SLC12A7: variants seen among roughly 807,000 people sequenced by gnomAD.
SLC12A7 encodes K-Cl cotransporter 4.
In SLC12A7, 100 loss-of-function variants were observed where a neutral mutation model predicts 120.6. That is an observed-to-expected ratio of 0.83 (90% confidence interval 0.71 to 0.98). The LOEUF (loss-of-function observed/expected upper bound fraction) is 0.98, where lower values mean the gene tolerates loss of function less well. Among genes scored for constraint, SLC12A7 ranks in the 50% least tolerant of loss-of-function variants. The pLI is 0.00. For missense variants in SLC12A7, 1,373 were observed against 1,548.1 expected (o/e 0.89, Z 1.90); for synonymous variants, 760 against 678.0 (o/e 1.12, Z -1.88).
chr5:1,057,047 C>T (rs1735695012), intron 22 of SLC12A7, among the ~76,000 whole-genome samples: 2 of 152,232 alleles, frequency 1.3e-5, no homozygotes, highest in Admixed American at 1.3e-4. Context: ...GGCCTGGCCG[C>T]AGGGCTGACT....
intron 1 of SLC12A7, among the ~76,000 whole-genome samples, chr5:1,106,490 A>G (rs1742541417): frequency 6.6e-6 from 1 of 150,708 alleles, no homozygotes; most frequent in Non-Finnish European, 1.5e-5. Flanking sequence ...TTCATATTCC[A>G]ACAGGGATGG....
chr5:1,124,474 A>G, the SLC12A7 span, among the ~76,000 whole-genome samples: 11 of 152,358 alleles, frequency 7.2e-5, no homozygotes, highest in Admixed American at 2.6e-4. Context: ...ACTGTCTTCA[A>G]AAATGAAGGC....
intron 1 of SLC12A7, among the ~76,000 whole-genome samples, chr5:1,099,682 T>A (rs560149968): frequency 6.6e-6 from 1 of 152,226 alleles, no homozygotes; most frequent in Non-Finnish European, 1.5e-5. Context: ...AGAAGCCCTG[T>A]AAAGGCCGGC....
At position 1,053,383 on chromosome 5, in the gene SLC12A7, T is replaced by C; in HGVS notation, c.3126A>G (p.Pro1042=). Residue 1042 remains proline, a synonymous_variant, in exon 23 of 24, where the codon CCA becomes CCG. Coordinates refer to ENST00000264930, the MANE Select transcript of SLC12A7 (RefSeq NM_006598.3). The part of the protein sequence containing the change: ...QDAQLVLLNM[P]GPPKNRQGDE... ...CTCCCTGCCGGTTTTTGGGAGGACC[T>C]GGCATGTTGAGCAGGACCAGCTGCG... The C allele has an allele frequency of 6.2e-7, 1 of 1,613,986 alleles. No individual in the cohort carries two copies. Among genetic ancestry groups the C allele is most frequent in the South Asian group, 1.1e-5 (1 of 91,084 alleles).
At chr5:1,153,422 C>A in the SLC12A7 span, among the ~76,000 whole-genome samples, 1 of 152,246 alleles carries the variant, frequency 6.6e-6, no homozygotes, top group African/African-American at 2.4e-5. Context: ...CCTGCCCCCA[C>A]ACGCTTTCCT....
At chr5:1,123,994 A>C in the SLC12A7 span, among the ~76,000 whole-genome samples, 67 of 152,368 alleles carry the variant, frequency 4.4e-4, no homozygotes, top group African/African-American at 1.5e-3. Flanking sequence ...GTGGAGAATG[A>C]CTTATCTGTG....
chr5:1,135,777 A>G, the SLC12A7 span, among the ~76,000 whole-genome samples: 2 of 152,322 alleles, frequency 1.3e-5, no homozygotes, highest in African/African-American at 4.8e-5. Flanking sequence ...TAAGGGCAGG[A>G]ACACACCAGG....
chr5:1,093,966 G>A (rs1267651627), intron 2 of SLC12A7, among the ~76,000 whole-genome samples, 188 bp downstream of exon 2: 1 of 152,062 alleles, frequency 6.6e-6, no homozygotes, highest in African/African-American at 2.4e-5. Flanking sequence ...ACCAGCCGAG[G>A]AGCACGTCCC....
At chr5:1,132,337 T>C in the SLC12A7 span, among the ~76,000 whole-genome samples, 13 of 152,002 alleles carry the variant, frequency 8.6e-5, no homozygotes, top group Admixed American at 8.5e-4. Context: ...TCATGAAAAA[T>C]CCACCCCTTG....
the SLC12A7 span, among the ~76,000 whole-genome samples, chr5:1,120,475 G>C: frequency 8.5e-5 from 13 of 152,234 alleles, no homozygotes; most frequent in African/African-American, 2.9e-4. Context: ...GGGACACCAC[G>C]GTGTGCTGGC....
At chr5:1,078,647 G>A (rs369496559) in intron 11 of SLC12A7, 54 bp downstream of exon 11, 9 of 1,448,810 alleles carry the variant, frequency 6.2e-6, no homozygotes, top group East Asian at 2.3e-5. Flanking sequence ...TTCATCCTCA[G>A]GAAAACCCTT....
In SLC12A7 at chr5:1,090,424, C is replaced by G. The variant is rs994531746; in HGVS notation, c.343-1296G>C. On this transcript the variant is annotated intron_variant, in intron 3 of 23. Coordinates refer to ENST00000264930, the MANE Select transcript of SLC12A7 (RefSeq NM_006598.3). ...GGGAGCGACTTGCTTCTGACGGGGG[C>G]CCTGGAGAGGAGAGGGTGACGGGGC... Among the ~76,000 whole-genome samples the G allele has an allele frequency of 3.3e-5, 5 of 152,168 alleles. No homozygotes were observed. In the East Asian group the frequency reaches 9.6e-4, roughly 29 times the overall value.
chr5:1,076,295 C>G (rs748193229), intron 13 of SLC12A7, 59 bp from the exon 14 acceptor site: 17 of 1,416,902 alleles, frequency 1.2e-5, no homozygotes, highest in Non-Finnish European at 1.5e-5. Context: ...CCCCCAGTCA[C>G]TGCCACCTGG....
intron 17 of SLC12A7, among the ~76,000 whole-genome samples, chr5:1,067,712 C>T (rs575514738): frequency 6.6e-6 from 1 of 152,338 alleles, no homozygotes; most frequent in Non-Finnish European, 1.5e-5. Flanking sequence ...CTTCTGGCCT[C>T]ACTGTTGGGA....
chr5:1,093,703 C>G (rs758282323), intron 2 of SLC12A7, 48 bp from the exon 3 acceptor site: 1 of 1,601,824 alleles, frequency 6.2e-7, no homozygotes, highest in Non-Finnish European at 8.5e-7. Flanking sequence ...TCGCCGTGGG[C>G]CCCCCGACCT....
intron 9 of SLC12A7, among the ~76,000 whole-genome samples, 195 bp from the exon 10 acceptor site, chr5:1,079,691 T>G (rs549135277): frequency 6.6e-6 from 1 of 152,274 alleles, no homozygotes; most frequent in East Asian, 1.9e-4. Context: ...GGCACGCGGA[T>G]GAGCACCCAC....
chr5:1,095,339 C>G (rs1741019329), intron 1 of SLC12A7, among the ~76,000 whole-genome samples: 1 of 152,228 alleles, frequency 6.6e-6, no homozygotes, highest in African/African-American at 2.4e-5. Flanking sequence ...CACAGCCTGC[C>G]CGGGACCCCT....
intron 1 of SLC12A7, among the ~76,000 whole-genome samples, chr5:1,101,188 G>A (rs1401494723): frequency 6.6e-6 from 1 of 152,206 alleles, no homozygotes; most frequent in Non-Finnish European, 1.5e-5. Context: ...GGCACTGGGT[G>A]GACTGCCCTG....
In SLC12A7 at chr5:1,083,854, G is replaced by A; in HGVS notation, c.1020C>T (p.Gly340=). 6.2e-7 allele frequency: 1 copy of A among 1,607,756 alleles called. No individual in the cohort carries two copies. Among genetic ancestry groups the A allele is most frequent in the South Asian group, 1.1e-5 (1 of 90,610 alleles). The change falls in exon 8 of 24, where the codon GGC becomes GGT. Residue 340 remains glycine, a synonymous_variant. Coordinates refer to ENST00000264930, the MANE Select transcript of SLC12A7 (RefSeq NM_006598.3). ...HNNSATSALW[G]LFCNGSQPSA... ...TGGGCTGGGAGCCGTTGCAGAAGAG[G>A]CCCCAGAGCGCGGAGGTGGCTGAGT...
Sources: allele counts gnomAD v4.1 joint callset (sites outside exome capture counted in the v4.1 genomes callset), GRCh38; gene constraint gnomAD v4.1.1; transcripts MANE v1.5; gene names NCBI Gene and HGNC (gene_info 2026-07-23, HGNC 2026-07-21).